HADH: variants seen among roughly 807,000 people sequenced by gnomAD.
HADH encodes hydroxyacyl-CoA dehydrogenase.
HADH carries 24 observed loss-of-function variants against 32.2 expected under a neutral mutation model. The ratio of observed to expected loss-of-function variants is 0.75; its 90% CI spans 0.54 to 1.05. HADH has a LOEUF of 1.05. Among genes scored for constraint, HADH ranks in the 50% least tolerant of loss-of-function variants. The probability of loss-of-function intolerance (pLI) is 0.00; values close to 1 mark genes in which losing one functional copy is unlikely to be tolerated. For synonymous variants in HADH, 139 were observed against 152.5 expected, an observed-to-expected ratio of 0.91 and a Z score of 0.65; for missense variants, 350 against 397.1, an observed-to-expected ratio of 0.88 and a Z score of 1.01.
chr4:108,010,266 A>G (rs1344786528), intron 2 of HADH, among the ~76,000 whole-genome samples: 1 of 152,164 alleles, frequency 6.6e-6, no homozygotes, highest in Non-Finnish European at 1.5e-5. Context: ...AGTTAAGAAG[A>G]GAATGATATA....
Position 108,027,549 on chromosome 4 carries a change from C to CTGCAAATTTTGAAAATG in HADH, c.637-137_637-121dup. 4.1e-6 allele frequency: 3 copies of CTGCAAATTTTGAAAATG among 724,266 alleles called. No individual in the cohort carries two copies. In the East Asian group the frequency reaches 7.7e-5, roughly 19 times the overall value. The allele number at this position is 724,266 out of a possible 1,614,324, so 44.9% of individuals were successfully genotyped here. A position where few individuals can be genotyped will look rare whatever the true frequency, so the allele number is the denominator to read the frequency against. Reference sequence around the variant, plus strand: ...CATATGAGATAGAAATAAGGCCATGCTGCAAATTTTGAAAATGTACAGCTT... The same window carrying CTGCAAATTTTGAAAATG: ...CATATGAGATAGAAATAAGGCCATGCTGCAAATTTTGAAAATGTGCAAATTTTGAAAATGTACAGCTT... On this transcript the variant is annotated intron_variant, in intron 5 of 7. Coordinates refer to ENST00000309522, the MANE Select transcript of HADH (RefSeq NM_005327.7).
chr4:107,992,055 C>T (rs777786819), intron 1 of HADH, among the ~76,000 whole-genome samples: 2 of 152,106 alleles, frequency 1.3e-5, no homozygotes, highest in Non-Finnish European at 2.9e-5. Context: ...AGGGGCAATA[C>T]CTAAAATTAC....
intron 1 of HADH, among the ~76,000 whole-genome samples, chr4:107,995,119 AAT>A (rs1252876674): frequency 2.6e-5 from 4 of 152,020 alleles, no homozygotes; most frequent in Admixed American, 6.6e-5. Flanking sequence ...ACAGGAAGAT[AAT>A]GTGGATGTTC....
intron 2 of HADH, among the ~76,000 whole-genome samples, chr4:108,011,976 T>C (rs1735511113): frequency 6.6e-6 from 1 of 152,122 alleles, no homozygotes; most frequent in African/African-American, 2.4e-5. Context: ...ACTATAGCCT[T>C]GAACTCCTAG....
chr4:108,011,547 T>C (rs1196561296), intron 2 of HADH, among the ~76,000 whole-genome samples: 1 of 152,218 alleles, frequency 6.6e-6, no homozygotes, highest in East Asian at 1.9e-4. Flanking sequence ...CACTCATTCA[T>C]CTGTTAATGG....
intron 1 of HADH, among the ~76,000 whole-genome samples, chr4:107,990,386 G>T (rs1278708023): frequency 8.5e-5 from 13 of 152,214 alleles, no homozygotes; most frequent in Non-Finnish European, 1.9e-4. Context: ...AGAAAGAATT[G>T]TATGTGCACA....
intron 2 of HADH, 146 bp from the exon 3 acceptor site, chr4:108,014,285 G>T: frequency 1.2e-6 from 1 of 808,066 alleles, no homozygotes. Flanking sequence ...TAAATTACAG[G>T]CTTCGTGGAC....
chr4:108,026,913 C>G (rs1266194946), intron 5 of HADH: 1 of 152,388 alleles, frequency 6.6e-6, no homozygotes, highest in Non-Finnish European at 1.5e-5. Flanking sequence ...AATCCCACAC[C>G]TGTCCTCCAG....
At chr4:108,009,248 C>T (rs1004079822) in intron 1 of HADH, among the ~76,000 whole-genome samples, 3 of 152,196 alleles carry the variant, frequency 2.0e-5, no homozygotes, top group African/African-American at 7.2e-5. Flanking sequence ...GCTCCAGCTC[C>T]AAGGAGAAAA....
chr4:108,018,769 G>A (rs1014079379), intron 3 of HADH, among the ~76,000 whole-genome samples: 24 of 152,220 alleles, frequency 1.6e-4, no homozygotes, highest in Admixed American at 1.2e-3. Context: ...GTTTTTATCC[G>A]CAAGGTGGCG....
intron 3 of HADH, among the ~76,000 whole-genome samples, chr4:108,016,983 T>G (rs950987647): frequency 6.6e-6 from 1 of 152,176 alleles, no homozygotes; most frequent in Non-Finnish European, 1.5e-5. Flanking sequence ...AAAACAGATA[T>G]GAGGTGTGAA....
chr4:108,012,017 G>A (rs1304920733), intron 2 of HADH, among the ~76,000 whole-genome samples: 1 of 151,754 alleles, frequency 6.6e-6, no homozygotes, highest in Non-Finnish European at 1.5e-5. Context: ...TCAGCCTCCC[G>A]AGTAGCTAGG....
chr4:108,006,124 C>A (rs1735284686), intron 1 of HADH, among the ~76,000 whole-genome samples: 1 of 152,170 alleles, frequency 6.6e-6, no homozygotes, highest in African/African-American at 2.4e-5. Flanking sequence ...TGGAGCAAGA[C>A]CCTGATGTGA....
At chr4:108,018,334 A>G (rs1274262638) in intron 3 of HADH, among the ~76,000 whole-genome samples, 1 of 151,970 alleles carries the variant, frequency 6.6e-6, no homozygotes, top group South Asian at 2.1e-4. Flanking sequence ...TTTTTTCATT[A>G]CCTTCTGTAA....
At chr4:108,004,180 A>G (rs1735213653) in intron 1 of HADH, among the ~76,000 whole-genome samples, 2 of 152,210 alleles carry the variant, frequency 1.3e-5, no homozygotes, top group Non-Finnish European at 2.9e-5. Flanking sequence ...TAATTTATGA[A>G]AAGTGCAAGC....
chr4:107,995,782 T>C (rs1734937626), intron 1 of HADH, among the ~76,000 whole-genome samples: 1 of 152,148 alleles, frequency 6.6e-6, no homozygotes, highest in East Asian at 1.9e-4. Context: ...TGCCTGCACC[T>C]CTGGCAAGTG....
chr4:108,001,894 TA>T lies in HADH; in HGVS notation c.133-7862del, dbSNP rs1164830150. Among the ~76,000 whole-genome samples the T allele has an allele frequency of 2.0e-5, 3 of 152,198 alleles. No homozygotes were observed. The East Asian group carries it at 5.8e-4, about 29-fold the overall frequency. ...AAACTACAGAAAGTAAAACCACAGATAAAGGGGGGACCAACTGTATCTAATT... is the reference window on the plus strand; with the variant it reads ...AAACTACAGAAAGTAAAACCACAGATAAGGGGGGACCAACTGTATCTAATT... On this transcript the variant is annotated intron_variant, in intron 1 of 7. Coordinates refer to ENST00000309522, the MANE Select transcript of HADH (RefSeq NM_005327.7).
At chr4:108,032,843 G>T in intron 6 of HADH, 6 of 371,336 alleles carry the variant, frequency 1.6e-5, no homozygotes, top group Non-Finnish European at 2.6e-5. Context: ...TTAGCCTTGT[G>T]TGGGGGCGCA....
At chr4:108,006,788 C>T (rs1319697145) in intron 1 of HADH, among the ~76,000 whole-genome samples, 1 of 152,150 alleles carries the variant, frequency 6.6e-6, no homozygotes, top group Non-Finnish European at 1.5e-5. Flanking sequence ...TGTCATTTGT[C>T]TGGATAGGTG....
Sources: allele counts gnomAD v4.1 joint callset (sites outside exome capture counted in the v4.1 genomes callset), GRCh38; gene constraint gnomAD v4.1.1; transcripts MANE v1.5; gene names NCBI Gene and HGNC (gene_info 2026-07-23, HGNC 2026-07-21).